The following CBLB variants were observed in gnomAD, a reference collection of about 807,000 sequenced individuals.
The protein encoded by CBLB is Cbl proto-oncogene B.
Under a neutral mutation model 104.9 loss-of-function variants are expected in CBLB, and 31 were observed. The observed-to-expected ratio is 0.30, with a 90% confidence interval of 0.22 to 0.40. The LOEUF (loss-of-function observed/expected upper bound fraction) is 0.40. Among genes scored for constraint, CBLB ranks in the 10% least tolerant of loss-of-function variants. The pLI, the probability that CBLB is intolerant of heterozygous loss-of-function variation, is 1.00. For synonymous variants in CBLB, 440 were observed against 422.6 expected, an observed-to-expected ratio of 1.04 and a Z score of -0.51; for missense variants, 1,062 against 1,214.6, an observed-to-expected ratio of 0.87 and a Z score of 1.87.
intron 3 of CBLB, among the ~76,000 whole-genome samples, chr3:105,800,718 A>C (rs1466268149): frequency 1.3e-5 from 2 of 152,192 alleles, no homozygotes; most frequent in Non-Finnish European, 2.9e-5. Context: ...CAATATTCCA[A>C]GGACACCTAC....
intron 3 of CBLB, among the ~76,000 whole-genome samples, chr3:105,836,016 C>T (rs1426334201): frequency 2.0e-5 from 3 of 152,128 alleles, no homozygotes; most frequent in Non-Finnish European, 2.9e-5. Flanking sequence ...ACTGATCTTC[C>T]AATATAAAGG....
rs1041758018 is a variant in CBLB, at chr3:105,776,473, A to T, written c.489T>A (p.Asn163Lys). The T allele has an allele frequency of 6.2e-7, 1 of 1,613,644 alleles. No individual in the cohort carries two copies. The highest frequency in any genetic ancestry group is 1.3e-5 in the African/African-American group (1 of 74,902). ...GAAAGTTATCTCCCTGGAATTGACC[A>T]TTGGGAAAGATTGCTTTGATTTCTG... ...MLAEIKAIFPNGQFQGDNFRI... is the reference protein window; with the variant it reads ...MLAEIKAIFPKGQFQGDNFRI... Residue 163 changes from asparagine to lysine, a missense_variant, in exon 4 of 19, where the codon AAT (asparagine) becomes AAA (lysine). By Grantham distance (94) the Asn-to-Lys change is moderately conservative. Around this residue, in one of 2 missense-constraint regions of CBLB, gnomAD observed 457 missense variants for 632.0 expected, o/e 0.72. Transcript: ENST00000394030.
chr3:105,832,879 A>G (rs2087785033), intron 3 of CBLB, among the ~76,000 whole-genome samples: 1 of 152,230 alleles, frequency 6.6e-6, no homozygotes, highest in Non-Finnish European at 1.5e-5. Flanking sequence ...AGTACTGGAA[A>G]GAACACAGCA....
intron 9 of CBLB, among the ~76,000 whole-genome samples, chr3:105,729,769 T>C (rs1365000107): frequency 6.6e-6 from 1 of 152,144 alleles, no homozygotes; most frequent in Non-Finnish European, 1.5e-5. Context: ...ACCTTCAGCA[T>C]ATCTAATGTT....
chr3:105,674,931 A>G (rs1257640727), intron 17 of CBLB, among the ~76,000 whole-genome samples: 2 of 152,154 alleles, frequency 1.3e-5, no homozygotes, highest in African/African-American at 4.8e-5. Context: ...CCTTGATCCT[A>G]CAACAGTACT....
Position 105,658,883 on chromosome 3 carries a change from C to T in CBLB, c.*87G>A. On this transcript the variant is annotated 3_prime_UTR_variant, in exon 19 of 19. Transcript: ENST00000394030. The stretch of plus-strand genomic sequence containing the variant: ...TGCTACACGAGGAGGAGACACTTCT[C>T]TCTTGAATTCCATCTCAGTTCTCTT... The T allele has an allele frequency of 2.1e-6, 3 of 1,450,360 alleles. No individual in the cohort carries two copies. The highest frequency in any genetic ancestry group is 2.9e-6 in the Non-Finnish European group (3 of 1,038,734). The allele number at this position is 1,450,360 out of a possible 1,614,324, so 89.8% of individuals were successfully genotyped here. A position where few individuals can be genotyped will look rare whatever the true frequency, so the allele number is the denominator to read the frequency against.
In CBLB at chr3:105,754,523, CAGAGAGAGAG is replaced by C. The variant is rs1207514486; in HGVS notation, c.567-2915_567-2906del. 8.0e-3 allele frequency among the ~76,000 whole-genome samples: 821 copies of C among 102,792 alleles called. 15 individuals are homozygous for C. Among genetic ancestry groups the C allele is most frequent in the Middle Eastern group, 0.029 (4 of 138 alleles). 67.4% of individuals were successfully genotyped at this position (102,792 alleles called of 152,430 possible). On this transcript the variant is annotated intron_variant, in intron 4 of 18. Coordinates refer to ENST00000394030, the MANE Select transcript of CBLB (RefSeq NM_170662.5). ...AGAGAGAGAGAGAGAGAGAGAGAGA[CAGAGAGAGAG>C]AGAGAGAGAGAGAGAGAGAGAGAGA...
At chr3:105,754,525 G>GAGAGAGAGAGAAAC (rs759390171) in intron 4 of CBLB, among the ~76,000 whole-genome samples, 288 of 15,984 alleles carry the variant, frequency 0.018, 5 homozygotes, top group South Asian at 0.11. Flanking sequence ...GAGAGAGACA[G>GAGAGAGAGAGAAAC]AGAGAGAGAG....
intron 9 of CBLB, among the ~76,000 whole-genome samples, chr3:105,728,725 AACTT>A (rs984494516): frequency 2.6e-5 from 4 of 152,162 alleles, no homozygotes; most frequent in African/African-American, 4.8e-5. Flanking sequence ...GTGATTATTC[AACTT>A]ACTTAGTATT....
At position 105,751,489 on chromosome 3, in the gene CBLB, T is replaced by C; in HGVS notation, c.696A>G (p.Glu232=). The C allele has an allele frequency of 1.2e-6, 2 of 1,611,504 alleles. No individual in the cohort carries two copies. Among genetic ancestry groups the C allele is most frequent in the Non-Finnish European group, 1.7e-6 (2 of 1,177,830 alleles). ...LTCNDYISVF[E]FDIFTRLFQP... is the part of the protein sequence containing the mutation. Reference sequence around the variant, plus strand: ...GAAACAGCCTGGTAAAAATATCAAATTCAAAAACTGAAATGTAATCATTGC... The same window carrying C: ...GAAACAGCCTGGTAAAAATATCAAACTCAAAAACTGAAATGTAATCATTGC... The change falls in exon 5 of 19, where the codon GAA becomes GAG. Residue 232 remains glutamate, a synonymous_variant. Transcript: ENST00000394030.
chr3:105,783,604 T>A (rs980102198), intron 3 of CBLB, among the ~76,000 whole-genome samples: 1 of 152,154 alleles, frequency 6.6e-6, no homozygotes, highest in Non-Finnish European at 1.5e-5. Flanking sequence ...AAGATGAAGA[T>A]GACAGAATCC....
chr3:105,779,526 T>A (rs1183127804), intron 3 of CBLB, among the ~76,000 whole-genome samples: 1 of 150,432 alleles, frequency 6.6e-6, no homozygotes, highest in Non-Finnish European at 1.5e-5. Flanking sequence ...CATTCCAGAA[T>A]ATATATATTT....
intron 13 of CBLB, among the ~76,000 whole-genome samples, chr3:105,692,271 G>A (rs913279735): frequency 1.3e-5 from 2 of 152,198 alleles, no homozygotes; most frequent in East Asian, 3.8e-4. Flanking sequence ...ATCAAATACA[G>A]TAAGATGTTA....
At chr3:105,695,442 T>G (rs1363669735) in intron 12 of CBLB, among the ~76,000 whole-genome samples, 1 of 151,802 alleles carries the variant, frequency 6.6e-6, no homozygotes, top group Non-Finnish European at 1.5e-5. Flanking sequence ...TAACAGAGTT[T>G]GCATATTTTT....
chr3:105,690,040 G>GC (rs936839653), intron 13 of CBLB, among the ~76,000 whole-genome samples: 3 of 146,922 alleles, frequency 2.0e-5, no homozygotes, highest in African/African-American at 7.5e-5. Flanking sequence ...TATGACAGCA[G>GC]CCTCTGACAT....
chr3:105,834,658 A>T (rs1348396419), intron 3 of CBLB, among the ~76,000 whole-genome samples: 2 of 26,820 alleles, frequency 7.5e-5, no homozygotes, highest in Non-Finnish European at 3.9e-4. Context: ...TCCATCTCAA[A>T]AAAGAAAAGA....
intron 3 of CBLB, among the ~76,000 whole-genome samples, chr3:105,800,436 G>C (rs924418109): frequency 1.3e-5 from 2 of 152,088 alleles, no homozygotes; most frequent in African/African-American, 4.8e-5. Context: ...ACCATTACCA[G>C]GGCCCATCCT....
chr3:105,744,142 T>C (rs1282201885), intron 6 of CBLB, among the ~76,000 whole-genome samples: 1 of 152,200 alleles, frequency 6.6e-6, no homozygotes, highest in Admixed American at 6.5e-5. Context: ...TTGTTCTCAA[T>C]ATTGTAATTC....
At chr3:105,774,512 A>T (rs982286095) in intron 4 of CBLB, among the ~76,000 whole-genome samples, 1 of 152,256 alleles carries the variant, frequency 6.6e-6, no homozygotes, top group African/African-American at 2.4e-5. Context: ...AAGAAAAATT[A>T]AGCAGCTTTC....
Sources: gnomAD v4.1 joint callset for allele counts (sites outside exome capture counted in the v4.1 genomes callset) on GRCh38, gnomAD v4.1.1 for gene constraint, gnomAD v4.1.1 regional missense constraint, MANE v1.5 for transcripts, NCBI Gene and HGNC (gene_info 2026-07-23, HGNC 2026-07-21) for gene names.